The following C7orf57 variants were observed in gnomAD, a reference collection of about 807,000 sequenced individuals.
C7orf57 encodes chromosome 7 open reading frame 57.
C7orf57 carries 33 observed loss-of-function variants against 39.0 expected under a neutral mutation model. The observed-to-expected ratio is 0.85, with a 90% CI of 0.64 to 1.13. C7orf57 has a LOEUF of 1.13. Among genes scored for constraint, C7orf57 ranks in the 50% most tolerant of loss-of-function variants. The pLI is 0.00. For synonymous variants in C7orf57, 124 were observed against 137.1 expected (o/e 0.90, Z 0.67); for missense variants, 346 against 362.3 (o/e 0.95, Z 0.37).
At chr7:48,038,389 T>TAGAC (rs772006937) in intron 2 of C7orf57, among the ~76,000 whole-genome samples, 3 of 151,584 alleles carry the variant, frequency 2.0e-5, no homozygotes, top group Admixed American at 6.6e-5. Context: ...TACATATAGA[T>TAGAC]AGATAGATAG....
In C7orf57 at chr7:48,051,752, TTC is replaced by T. The variant is rs1426463883; in HGVS notation, c.606-946_606-945del. On this transcript the variant is annotated intron_variant, in intron 6 of 8. Transcript: ENST00000348904. ...TCTTTTTCTTTTCTTTCTTTTTCTTTTCTTTCTTTCTTTCTTTCTTTCTTTCT... is the reference window on the plus strand; with the variant it reads ...TCTTTTTCTTTTCTTTCTTTTTCTTTTTTCTTTCTTTCTTTCTTTCTTTCT... Among the ~76,000 whole-genome samples, 8 of 15,206 alleles carry T rather than the reference TTC, an allele frequency of 5.3e-4. 1 individual carries two copies. The highest frequency in any genetic ancestry group is 1.1e-3 in the African/African-American group (6 of 5,372). 10.0% of individuals were successfully genotyped at this position (15,206 alleles called of 152,430 possible).
chr7:48,056,310 A>G (rs1423845859), intron 8 of C7orf57, among the ~76,000 whole-genome samples: 3 of 151,964 alleles, frequency 2.0e-5, no homozygotes, highest in Admixed American at 2.0e-4. Context: ...AAATTGGATT[A>G]TTTGTTTTTT....
intron 6 of C7orf57, among the ~76,000 whole-genome samples, chr7:48,052,001 T>A: frequency 6.7e-6 from 1 of 148,320 alleles, no homozygotes. Context: ...TGAGACAGAG[T>A]CTCGCTCTGT....
chr7:48,047,265 G>A (rs919340997), intron 5 of C7orf57, among the ~76,000 whole-genome samples: 3 of 152,182 alleles, frequency 2.0e-5, no homozygotes, highest in Admixed American at 2.0e-4. Context: ...GTGTTGCCCG[G>A]GGCATCAGCA....
intron 8 of C7orf57, among the ~76,000 whole-genome samples, chr7:48,059,352 T>C (rs6463459): frequency 0.14 from 21,156 of 152,100 alleles, 2,281 homozygotes; most frequent in African/African-American, 0.3. Flanking sequence ...TGTCAAGGCT[T>C]CTTATTTTAT....
intron 2 of C7orf57, 36 bp from the exon 3 acceptor site, chr7:48,041,298 A>G (rs1256917414): frequency 3.8e-6 from 6 of 1,577,108 alleles, no homozygotes; most frequent in Non-Finnish European, 5.2e-6. Context: ...CCCGACACAC[A>G]GCAACAGTGT....
At chr7:48,057,128 A>G (rs2128799477) in intron 8 of C7orf57, among the ~76,000 whole-genome samples, 1 of 150,356 alleles carries the variant, frequency 6.7e-6, no homozygotes, top group Middle Eastern at 3.5e-3. Flanking sequence ...GTGGTTCCCT[A>G]CAAATTCTAG....
At chr7:48,046,757 G>A in intron 5 of C7orf57, 141 bp downstream of exon 5, 1 of 892,750 alleles carries the variant, frequency 1.1e-6, no homozygotes, top group Non-Finnish European at 1.7e-6. Flanking sequence ...TTTAAGTTTG[G>A]ATCTACTAAA....
At chr7:48,049,368 G>A (rs1449465956) in intron 5 of C7orf57, among the ~76,000 whole-genome samples, 1 of 152,122 alleles carries the variant, frequency 6.6e-6, no homozygotes, top group East Asian at 1.9e-4. Context: ...CTTCTCCCAT[G>A]TGGTGTAATG....
chr7:48,051,735 TTTTC>T (rs1436908007), intron 6 of C7orf57, among the ~76,000 whole-genome samples: 3 of 72,494 alleles, frequency 4.1e-5, no homozygotes, highest in South Asian at 5.3e-4. Flanking sequence ...TCTCTTTTTC[TTTTC>T]TTTCTTTTTC....
rs779076178 is a variant in C7orf57, at chr7:48,051,821, T to TCTCTTC, written c.606-879_606-878insCTCTTC. ...TTCCTTCCTTCCTTTTCTCTTCTCT[T>TCTCTTC]TCTTTCTTTCTTTCTTTCTTTCTTT... On this transcript the variant is annotated intron_variant, in intron 6 of 8. Transcript: ENST00000348904. Among the ~76,000 whole-genome samples the TCTCTTC allele has an allele frequency of 2.8e-3, 37 of 13,230 alleles. 4 individuals are homozygous for TCTCTTC. The highest frequency in any genetic ancestry group is 0.013 in the African/African-American group (37 of 2,896). The allele number at this position is 13,230 out of a possible 152,430, so 8.7% of individuals were successfully genotyped here.
At chr7:48,054,696 C>A (rs1423181442) in intron 8 of C7orf57, 90 bp downstream of exon 8, 1 of 1,121,158 alleles carries the variant, frequency 8.9e-7, no homozygotes, top group Non-Finnish European at 1.3e-6. Context: ...GAGACTACAG[C>A]CTCTAGGCAG....
intron 8 of C7orf57, among the ~76,000 whole-genome samples, chr7:48,057,495 T>C (rs761279998): frequency 4.1e-4 from 63 of 152,196 alleles, no homozygotes; most frequent in Non-Finnish European, 7.4e-4. Flanking sequence ...CTGAATTTGT[T>C]TACCAGTTTT....
chr7:48,054,480 CTTA>C (rs1186916328), intron 7 of C7orf57, 112 bp from the exon 8 acceptor site: 5 of 608,196 alleles, frequency 8.2e-6, no homozygotes, highest in Non-Finnish European at 1.4e-5. Flanking sequence ...TGTTTTATGA[CTTA>C]TTGTTGTTTT....
At chr7:48,050,083 C>T (rs916125293) in intron 6 of C7orf57, 106 bp downstream of exon 6, 13 of 755,940 alleles carry the variant, frequency 1.7e-5, no homozygotes, top group Admixed American at 4.1e-5. Context: ...CACAACTTCC[C>T]GAAGCCCTGT....
chr7:48,052,641 C>A, intron 6 of C7orf57, 59 bp from the exon 7 acceptor site: 1 of 1,440,666 alleles, frequency 6.9e-7, no homozygotes. Context: ...CGGAATACTG[C>A]TTCTGCTTTA....
In C7orf57 at chr7:48,035,659, G is replaced by C. The variant is rs745926165; in HGVS notation, c.-102+29G>C. On this transcript the variant is annotated intron_variant, in intron 1 of 8. Transcript: ENST00000348904. This position sits in a 1 kb window ranked among gnomAD's most constrained non-coding sequence, Gnocchi z 4.0. ...AGCCTGAGCGGGCTGGAGGACAATGGGGGCGCCCACTGTGGTCCCGGGCCT... is the reference window on the plus strand; with the variant it reads ...AGCCTGAGCGGGCTGGAGGACAATGCGGGCGCCCACTGTGGTCCCGGGCCT... 3.1e-6 allele frequency: 2 copies of C among 648,586 alleles called. No individual in the cohort carries two copies. Among genetic ancestry groups the C allele is most frequent in the Non-Finnish European group, 2.8e-6 (1 of 358,388 alleles). The allele number at this position is 648,586 out of a possible 1,614,324, so 40.2% of individuals were successfully genotyped here.
chr7:48,048,289 C>G (rs1025235858), intron 5 of C7orf57, among the ~76,000 whole-genome samples: 1 of 152,156 alleles, frequency 6.6e-6, no homozygotes, highest in East Asian at 1.9e-4. Context: ...ATGAAGGTCA[C>G]CTATGAGTGA....
intron 8 of C7orf57, among the ~76,000 whole-genome samples, chr7:48,059,894 C>T (rs1387879662): frequency 6.6e-6 from 1 of 151,920 alleles, no homozygotes; most frequent in Non-Finnish European, 1.5e-5. Context: ...TCTCTACTCG[C>T]CTTGCCCAGG....
Sources: gnomAD v4.1 joint callset for allele counts (sites outside exome capture counted in the v4.1 genomes callset) on GRCh38, gnomAD v4.1.1 for gene constraint, Gnocchi (gnomAD v3.1) non-coding constraint, MANE v1.5 for transcripts, NCBI Gene and HGNC (gene_info 2026-07-23, HGNC 2026-07-21) for gene names.